TSKS: variants seen among roughly 807,000 people sequenced by gnomAD.
The protein encoded by TSKS is testis-specific serine kinase substrate.
A neutral mutation model predicts 68.0 loss-of-function variants in TSKS; 27 were observed. The ratio of observed to expected loss-of-function variants is 0.40; its 90% confidence interval spans 0.29 to 0.55. The LOEUF (loss-of-function observed/expected upper bound fraction) is 0.55. TSKS is among the 20% of genes least tolerant of loss of function. TSKS has a pLI of 0.53. For synonymous variants in TSKS, 331 were observed against 340.4 expected (o/e 0.97, Z 0.30); for missense variants, 806 against 776.0 (o/e 1.04, Z -0.46).
intron 8 of TSKS, among the ~76,000 whole-genome samples, chr19:49,743,648 C>T (rs1023273371): frequency 1.4e-4 from 22 of 151,928 alleles, no homozygotes; most frequent in Non-Finnish European, 2.5e-4. Context: ...CAGGCACCCG[C>T]CACCACGCCC....
intron 10 of TSKS, 52 bp downstream of exon 10, chr19:49,740,007 C>T (rs1371343392): frequency 2.5e-6 from 4 of 1,612,134 alleles, no homozygotes; most frequent in African/African-American, 1.3e-5. Context: ...GGAGATCAGG[C>T]CCTTTCCCCA....
rs555581411 is a variant in TSKS at position 49,758,045 on chromosome 19, C to G, written c.399+3959G>C. Among the ~76,000 whole-genome samples, 5 of 151,862 alleles carry G rather than the reference C, an allele frequency of 3.3e-5. No homozygotes were observed. The South Asian group carries it at 1.0e-3, about 32-fold the overall frequency. On this transcript the variant is annotated intron_variant, in intron 2 of 10. Coordinates refer to ENST00000246801, the MANE Select transcript of TSKS (RefSeq NM_021733.2). Reference sequence around the variant, plus strand: ...AGCTGGGATTACAGGCATGTGCCCCCCTCTGTCTCTGGGTCTCTGTCCTCC... The same window carrying G: ...AGCTGGGATTACAGGCATGTGCCCCGCTCTGTCTCTGGGTCTCTGTCCTCC...
In TSKS at chr19:49,759,984, C is replaced by T. The variant is rs548158914; in HGVS notation, c.399+2020G>A. On this transcript the variant is annotated intron_variant, in intron 2 of 10. Coordinates refer to ENST00000246801, the MANE Select transcript of TSKS (RefSeq NM_021733.2). ...CCTGGCCAACATGGTGAAACCCCAT[C>T]TCTACTAAAAATACAAAAATTAGTC... is the stretch of plus-strand genomic sequence containing the variant. 7.3e-5 allele frequency among the ~76,000 whole-genome samples: 11 copies of T among 151,598 alleles called. No homozygotes were observed. The East Asian group carries it at 1.6e-3, about 22-fold the overall frequency.
Position 49,748,144 on chromosome 19 carries a change from T to G in TSKS, c.520A>C (p.Asn174His). 1 of 1,614,134 alleles carries G rather than the reference T, an allele frequency of 6.2e-7. No homozygotes were observed. The change falls in exon 4 of 11, where the codon AAT becomes CAT. Residue 174 changes from asparagine (N) to histidine (H), a missense_variant. Physicochemically the swap from Asn to His is moderately conservative, Grantham distance 68 (BLOSUM62 1). Transcript: ENST00000246801. ...LQSECSVLSE[N>H]LERRRQEAEE... ...GCCTCTTGCCGCCTTCTCTCCAGAT[T>G]CTCGCTCAGCACAGAACACTCGCTC...
chr19:49,761,092 CAATA>C (rs10653677), intron 2 of TSKS, among the ~76,000 whole-genome samples: 2 of 150,750 alleles, frequency 1.3e-5, no homozygotes, highest in Non-Finnish European at 2.9e-5. Context: ...AACTCTGTCT[CAATA>C]AATAAATAAA....
At chr19:49,758,579 G>A (rs921933671) in intron 2 of TSKS, among the ~76,000 whole-genome samples, 1 of 152,134 alleles carries the variant, frequency 6.6e-6, no homozygotes, top group Admixed American at 6.6e-5. Flanking sequence ...CTGTCTGAGG[G>A]AGGAGATGTC....
chr19:49,757,627 G>C (rs922579835), intron 2 of TSKS, among the ~76,000 whole-genome samples: 2 of 152,020 alleles, frequency 1.3e-5, no homozygotes, highest in Non-Finnish European at 2.9e-5. Flanking sequence ...CCTTCACAGG[G>C]TTCCCATTGT....
At position 49,739,910 on chromosome 19, in the gene TSKS, G is replaced by A. The variant is rs1305647454; in HGVS notation, c.1645C>T (p.His549Tyr). Residue 549 changes from histidine to tyrosine, a missense_variant, in exon 11 of 11, where the codon CAT (histidine) becomes TAT (tyrosine). Transcript: ENST00000246801. ...KPEEKMATLD[H>Y]LHLKMCSLHD... is the part of the protein sequence containing the mutation. ...AGGGAGCACATCTTCAAGTGTAGAT[G>A]GTCCAGAGTGGCCATCTTCTCCCTG... is the stretch of plus-strand genomic sequence containing the variant. The A allele has an allele frequency of 6.2e-7, 1 of 1,611,916 alleles. No individual in the cohort carries two copies. Among genetic ancestry groups the A allele is most frequent in the Admixed American group, 1.7e-5 (1 of 59,804 alleles).
Position 49,746,661 on chromosome 19 carries a change from G to A in TSKS, c.801C>T (p.Gly267=). 6.2e-7 allele frequency: 1 copy of A among 1,606,184 alleles called. No homozygotes were observed. Among genetic ancestry groups the A allele is most frequent in the Non-Finnish European group, 8.5e-7 (1 of 1,179,248 alleles). The part of the protein sequence containing the change: ...EPEEKQKPEA[G]LSWNSLGPAA... Reference sequence around the variant, plus strand: ...CGGGGCCCAGGCTGTTCCAGGAGAGGCCAGCCTCCGGCTTCTGCTTCTCCT... The same window carrying A: ...CGGGGCCCAGGCTGTTCCAGGAGAGACCAGCCTCCGGCTTCTGCTTCTCCT... Residue 267 remains glycine, a synonymous_variant, in exon 6 of 11, where the codon GGC becomes GGT. Coordinates refer to ENST00000246801, the MANE Select transcript of TSKS (RefSeq NM_021733.2).
rs528222494 is a variant in TSKS at position 49,741,114 on chromosome 19, C to T, written c.1497+771G>A. Among the ~76,000 whole-genome samples the T allele has an allele frequency of 6.0e-5, 9 of 150,790 alleles. No individual in the cohort carries two copies. The South Asian group carries it at 8.5e-4, about 14-fold the overall frequency. On this transcript the variant is annotated intron_variant, in intron 9 of 10. Coordinates refer to ENST00000246801, the MANE Select transcript of TSKS (RefSeq NM_021733.2). ...AATAGCGTGAACCCAGGAGGCAGAG[C>T]TTGCAGTGAGCCGAGATTGCGCCAC... is the stretch of plus-strand genomic sequence containing the variant.
At chr19:49,744,733 G>A (rs998187446) in intron 7 of TSKS, among the ~76,000 whole-genome samples, 9 of 151,806 alleles carry the variant, frequency 5.9e-5, no homozygotes, top group South Asian at 2.1e-4. Flanking sequence ...ACCAGGGTGC[G>A]ACACCACACC....
chr19:49,739,787 G>T lies in TSKS; in HGVS notation c.1768C>A (p.Pro590Thr). Reference sequence around the variant, plus strand: ...GCATGAGAGGCCATTTATTGTTCAGGGGCTGAGCCCCCCTGTTTTGGGGGG... The same window carrying T: ...GCATGAGAGGCCATTTATTGTTCAGTGGCTGAGCCCCCCTGTTTTGGGGGG... The part of the protein sequence containing the change: ...GTPPKQGGSA[P>T]EQ The change falls in exon 11 of 11, where the codon CCT becomes ACT. Residue 590 changes from proline (P) to threonine (T), a missense_variant. Pro to Thr is a conservative substitution (Grantham distance 38). Coordinates refer to ENST00000246801, the MANE Select transcript of TSKS (RefSeq NM_021733.2). 1 of 1,477,892 alleles carries T rather than the reference G, an allele frequency of 6.8e-7. No homozygotes were observed. The highest frequency in any genetic ancestry group is 9.4e-7 in the Non-Finnish European group (1 of 1,062,044). 91.5% of individuals were successfully genotyped at this position (1,477,892 alleles called of 1,614,324 possible). A position where few individuals can be genotyped will look rare whatever the true frequency, so the allele number is the denominator to read the frequency against.
At chr19:49,750,135 A>G (rs2084337065) in intron 2 of TSKS, among the ~76,000 whole-genome samples, 1 of 151,804 alleles carries the variant, frequency 6.6e-6, no homozygotes, top group Non-Finnish European at 1.5e-5. Flanking sequence ...GAGCCACCAT[A>G]CTCCATTCCA....
chr19:49,749,376 G>C (rs1158375225), intron 2 of TSKS, among the ~76,000 whole-genome samples: 1 of 152,166 alleles, frequency 6.6e-6, no homozygotes, highest in Non-Finnish European at 1.5e-5. Context: ...ACACCATGTG[G>C]CCTCTGGTCA....
At chr19:49,744,478 T>G in intron 7 of TSKS, 74 bp from the exon 8 acceptor site, 1 of 1,501,868 alleles carries the variant, frequency 6.7e-7, no homozygotes, top group Non-Finnish European at 9.1e-7. Context: ...CACCCATTAT[T>G]AGCCCACCAC....
intron 2 of TSKS, among the ~76,000 whole-genome samples, chr19:49,755,543 T>G (rs1453554081): frequency 6.6e-6 from 1 of 151,174 alleles, no homozygotes. Flanking sequence ...AAAACAACAA[T>G]AAGAAGGCTG....
rs1600185790 is a variant in TSKS, at chr19:49,741,946, A to C, written c.1436T>G (p.Val479Gly). 6.2e-7 allele frequency: 1 copy of C among 1,613,842 alleles called. No homozygotes were observed. The highest frequency in any genetic ancestry group is 8.5e-7 in the Non-Finnish European group (1 of 1,179,990). ...GGCAGGAGTCAGGCCCCTCTGCTTC[A>C]CCTCGTCCACTAGTGAGGTCAGTGC... is the stretch of plus-strand genomic sequence containing the variant. ...DRALTSLVDE[V>G]KQRGLTPACP... The change falls in exon 9 of 11, where the codon GTG becomes GGG. Residue 479 changes from valine to glycine, a missense_variant. Val to Gly is a moderately radical substitution (Grantham distance 109, BLOSUM62 -3). Transcript: ENST00000246801.
intron 2 of TSKS, among the ~76,000 whole-genome samples, chr19:49,754,546 T>A (rs911955242): frequency 4.0e-5 from 6 of 151,766 alleles, no homozygotes; most frequent in Non-Finnish European, 8.8e-5. Flanking sequence ...AAAAAAGTTA[T>A]AAGGCATGCA....
rs780749104 is a variant in TSKS at position 49,747,380 on chromosome 19, A to G, written c.663+9T>C. On this transcript the variant is annotated intron_variant, in intron 5 of 10. Transcript: ENST00000246801. ...CCCACAAATCCTGGGACTGCCCCCT[A>G]GCCCTTACCTCCAGCAGGGCAGAAT... 3 of 1,614,144 alleles carry G rather than the reference A, an allele frequency of 1.9e-6. No individual in the cohort carries two copies. The highest frequency in any genetic ancestry group is 1.1e-5 in the South Asian group (1 of 91,090).
Sources: allele counts gnomAD v4.1 joint callset (sites outside exome capture counted in the v4.1 genomes callset), GRCh38; gene constraint gnomAD v4.1.1; transcripts MANE v1.5; gene names NCBI Gene and HGNC (gene_info 2026-07-23, HGNC 2026-07-21).